The following SGCZ variants were observed in gnomAD, a reference collection of about 807,000 sequenced individuals.
SGCZ encodes the protein sarcoglycan zeta.
In SGCZ, 40 loss-of-function variants were observed where a neutral mutation model predicts 41.3. The observed-to-expected ratio is 0.97, with a 90% CI of 0.75 to 1.26. The LOEUF (loss-of-function observed/expected upper bound fraction) is 1.26, where lower values mean the gene tolerates loss of function less well. Ranked by LOEUF, SGCZ falls within the 50% of genes most tolerant of loss-of-function variation. The pLI is 0.00. For synonymous variants in SGCZ, 206 were observed against 137.5 expected (o/e 1.50, Z -3.49); for missense variants, 552 against 369.8 (o/e 1.49, Z -4.04).
At chr8:14,578,800 T>C (rs1195319233) in intron 1 of SGCZ, among the ~76,000 whole-genome samples, 2 of 152,188 alleles carry the variant, frequency 1.3e-5, no homozygotes, top group African/African-American at 4.8e-5. Context: ...AGTATAGTCA[T>C]TAAGACATTG....
Position 15,210,007 on chromosome 8 carries a change from T to C in SGCZ, c.39+27578A>G, listed in dbSNP as rs1422977713. Among the ~76,000 whole-genome samples, 3 of 152,270 alleles carry C rather than the reference T, an allele frequency of 2.0e-5. No individual in the cohort carries two copies. The East Asian group carries it at 5.8e-4, about 29-fold the overall frequency. ...CTATTTAAAAAATCATTTCTCTTCTTTCCCATCAGGTAATGTGTTTCGAAA... is the reference window on the plus strand; with the variant it reads ...CTATTTAAAAAATCATTTCTCTTCTCTCCCATCAGGTAATGTGTTTCGAAA... On this transcript the variant is annotated intron_variant, in intron 1 of 7. Coordinates refer to ENST00000382080, the MANE Select transcript of SGCZ (RefSeq NM_139167.4).
intron 2 of SGCZ, among the ~76,000 whole-genome samples, chr8:14,326,087 G>C (rs932873379): frequency 9.7e-6 from 1 of 103,200 alleles, no homozygotes; most frequent in Non-Finnish European, 1.8e-5. Flanking sequence ...ACTCCAGCCT[G>C]GGCGAAAGAG....
intron 1 of SGCZ, among the ~76,000 whole-genome samples, chr8:15,037,353 T>C (rs547686813): frequency 1.3e-5 from 2 of 152,196 alleles, no homozygotes; most frequent in Non-Finnish European, 2.9e-5. Flanking sequence ...AGGATACATT[T>C]GCTTCCCCTT....
At chr8:14,351,598 T>A (rs936638219) in intron 2 of SGCZ, among the ~76,000 whole-genome samples, 13 of 151,386 alleles carry the variant, frequency 8.6e-5, no homozygotes, top group African/African-American at 2.9e-4. Context: ...TATAGGAAAT[T>A]GTGACAAAAT....
chr8:14,926,305 T>G (rs1256548365), intron 1 of SGCZ, among the ~76,000 whole-genome samples: 1 of 152,222 alleles, frequency 6.6e-6, no homozygotes, highest in Admixed American at 6.5e-5. Context: ...GTCATCATGT[T>G]TCATTTGCAC....
chr8:14,402,028 C>A (rs1404680001), intron 2 of SGCZ, among the ~76,000 whole-genome samples: 6 of 152,164 alleles, frequency 3.9e-5, no homozygotes, highest in African/African-American at 1.2e-4. Context: ...TTGCATTTCT[C>A]TGATGGCCAT....
At chr8:15,117,233 C>A (rs1382298214) in intron 1 of SGCZ, among the ~76,000 whole-genome samples, 1 of 152,018 alleles carries the variant, frequency 6.6e-6, no homozygotes, top group African/African-American at 2.4e-5. Context: ...GTAGCAGGCG[C>A]CTGTAGTCCC....
intron 1 of SGCZ, among the ~76,000 whole-genome samples, chr8:14,792,848 C>T (rs1268100201): frequency 1.3e-5 from 2 of 152,070 alleles, no homozygotes; most frequent in Non-Finnish European, 2.9e-5. Flanking sequence ...TGTATAGGGC[C>T]TTGCTCCCAG....
At chr8:15,112,844 G>C (rs1331750282) in intron 1 of SGCZ, among the ~76,000 whole-genome samples, 1 of 152,212 alleles carries the variant, frequency 6.6e-6, no homozygotes, top group African/African-American at 2.4e-5. Flanking sequence ...TCTCTGGCAA[G>C]TTCTGTCCTA....
At chr8:15,039,135 C>T (rs1293118541) in intron 1 of SGCZ, among the ~76,000 whole-genome samples, 2 of 152,048 alleles carry the variant, frequency 1.3e-5, no homozygotes, top group East Asian at 3.9e-4. Flanking sequence ...GGTATATAGC[C>T]AAAGGAAATT....
intron 1 of SGCZ, among the ~76,000 whole-genome samples, chr8:14,997,787 T>G (rs1396206155): frequency 6.6e-6 from 1 of 152,008 alleles, no homozygotes. Flanking sequence ...TGGTGAAACC[T>G]AGTCTCTACT....
At chr8:14,219,092 TTAC>T (rs1371216495) in intron 4 of SGCZ, among the ~76,000 whole-genome samples, 19 of 152,244 alleles carry the variant, frequency 1.2e-4, no homozygotes, top group African/African-American at 3.9e-4. Flanking sequence ...AAGTGCCCTC[TTAC>T]TCTATGCAGC....
intron 7 of SGCZ, among the ~76,000 whole-genome samples, chr8:14,101,232 T>C (rs1018219099): frequency 5.3e-5 from 8 of 152,068 alleles, no homozygotes; most frequent in Admixed American, 6.6e-5. Context: ...CCTGAAAATA[T>C]AGACCTGAAT....
chr8:14,639,451 G>C (rs1330774378), intron 1 of SGCZ, among the ~76,000 whole-genome samples: 1 of 151,510 alleles, frequency 6.6e-6, no homozygotes, highest in Non-Finnish European at 1.5e-5. Flanking sequence ...AAGATATTAG[G>C]AATTACCAAG....
chr8:14,338,451 T>A (rs1206555749), intron 2 of SGCZ, among the ~76,000 whole-genome samples: 2 of 152,136 alleles, frequency 1.3e-5, no homozygotes, highest in African/African-American at 4.8e-5. Context: ...CTTTGGACAA[T>A]TCTCAAGAGC....
chr8:14,919,155 A>C (rs1799519714), intron 1 of SGCZ, among the ~76,000 whole-genome samples: 1 of 152,134 alleles, frequency 6.6e-6, no homozygotes, highest in Non-Finnish European at 1.5e-5. Context: ...AAATACAATT[A>C]AGGCCAGGCG....
Position 14,090,594 on chromosome 8 carries a change from G to T in SGCZ, c.788C>A (p.Thr263Asn), listed in dbSNP as rs1357491292. The change falls in exon 8 of 8, where the codon ACT (threonine) becomes AAT (asparagine). Residue 263 changes from threonine (T) to asparagine (N), a missense_variant. Thr to Asn is a moderately conservative substitution (Grantham distance 65). Transcript: ENST00000382080. ...AETIKLGNLP[T>N]GSFSSSSPSS... ...GGGTGAAGAAGATGAGAAGGAGCCA[G>T]TTGGTAGATTTCCCAGCTTGATTGT... 3 of 1,612,554 alleles carry T rather than the reference G, an allele frequency of 1.9e-6. No individual in the cohort carries two copies. The highest frequency in any genetic ancestry group is 2.7e-5 in the African/African-American group (2 of 74,818).
At position 14,581,171 on chromosome 8, in the gene SGCZ, G is replaced by A. The variant is rs189501829; in HGVS notation, c.40-26245C>T. On this transcript the variant is annotated intron_variant, in intron 1 of 7. Coordinates refer to ENST00000382080, the MANE Select transcript of SGCZ (RefSeq NM_139167.4). ...CACCCAGGCTGCAGTGCAGTGGTGC[G>A]ATCTCGGCTCACTTGCAACCTCTGT... is the stretch of plus-strand genomic sequence containing the variant. Among the ~76,000 whole-genome samples the A allele has an allele frequency of 2.6e-3, 388 of 152,116 alleles. 1 individual carries two copies. Among genetic ancestry groups the A allele is most frequent in the Non-Finnish European group, 3.5e-3 (241 of 67,980 alleles).
rs547262386 is a variant in SGCZ at position 14,687,660 on chromosome 8, T to A, written c.40-132734A>T. Reference sequence around the variant, plus strand: ...AATAGTGCTGCAATAAACATACATGTGCATGTGTCTTTATAGCAGCATGAT... The same window carrying A: ...AATAGTGCTGCAATAAACATACATGAGCATGTGTCTTTATAGCAGCATGAT... On this transcript the variant is annotated intron_variant, in intron 1 of 7. Transcript: ENST00000382080. Among the ~76,000 whole-genome samples, 1,318 of 151,914 alleles carry A rather than the reference T, an allele frequency of 8.7e-3. 16 individuals are homozygous for A. The highest frequency in any genetic ancestry group is 0.029 in the African/African-American group (1,212 of 41,420).
Sources: allele counts gnomAD v4.1 joint callset (sites outside exome capture counted in the v4.1 genomes callset), GRCh38; gene constraint gnomAD v4.1.1; transcripts MANE v1.5; gene names NCBI Gene and HGNC (gene_info 2026-07-23, HGNC 2026-07-21).